Variants in MARCHF1 observed in about 807,000 individuals in gnomAD.
MARCHF1 encodes the protein membrane associated ring-CH-type finger 1.
MARCHF1 carries 40 observed loss-of-function variants against 54.2 expected under a neutral mutation model. That is an observed-to-expected ratio of 0.74 (90% CI 0.57 to 0.96). The LOEUF is 0.96. MARCHF1 is among the 40% of genes least tolerant of loss of function. The probability of loss-of-function intolerance (pLI) is 0.00; values close to 1 mark genes in which losing one functional copy is unlikely to be tolerated. For missense variants in MARCHF1, 586 were observed against 656.5 expected (o/e 0.89, Z 1.17); for synonymous variants, 236 against 236.3 (o/e 1.00, Z 0.01).
At chr4:163,543,742 A>G (rs1738800436) in intron 9 of MARCHF1, among the ~76,000 whole-genome samples, 2 of 152,202 alleles carry the variant, frequency 1.3e-5, no homozygotes, top group Admixed American at 1.3e-4. Context: ...GGTTGGATAA[A>G]ATAAATGTAA....
intron 1 of MARCHF1, among the ~76,000 whole-genome samples, chr4:164,120,233 A>G (rs1756037626): frequency 6.6e-6 from 1 of 152,108 alleles, no homozygotes; most frequent in South Asian, 2.1e-4. Context: ...AAGAAGAGAC[A>G]AAAAGAGGTC....
At chr4:163,546,124 C>T (rs527616433) in intron 8 of MARCHF1, among the ~76,000 whole-genome samples, 45 of 152,144 alleles carry the variant, frequency 3.0e-4, no homozygotes, top group African/African-American at 9.4e-4. Flanking sequence ...TGGGTATGTA[C>T]CACCATGCCT....
At chr4:164,341,973 A>G (rs1242913360) in intron 1 of MARCHF1, among the ~76,000 whole-genome samples, 2 of 152,250 alleles carry the variant, frequency 1.3e-5, no homozygotes, top group Admixed American at 6.5e-5. Context: ...TCACATTTAC[A>G]TTACCATCAA....
At chr4:163,866,216 C>T (rs1750044144) in intron 3 of MARCHF1, among the ~76,000 whole-genome samples, 1 of 151,006 alleles carries the variant, frequency 6.6e-6, no homozygotes, top group Non-Finnish European at 1.5e-5. Context: ...ACTTTTTTAC[C>T]TATTTTTAAC....
At chr4:164,240,560 C>G (rs1732710772) in intron 1 of MARCHF1, among the ~76,000 whole-genome samples, 1 of 151,940 alleles carries the variant, frequency 6.6e-6, no homozygotes, top group African/African-American at 2.4e-5. Context: ...TCTGCTTGTC[C>G]CTTAAGTCCT....
chr4:163,729,792 A>C (rs1229258805), intron 4 of MARCHF1, among the ~76,000 whole-genome samples: 1 of 152,114 alleles, frequency 6.6e-6, no homozygotes, highest in Non-Finnish European at 1.5e-5. Context: ...AAATCTGCTG[A>C]TAACCTTATT....
At chr4:163,896,083 T>G (rs1482087776) in intron 3 of MARCHF1, among the ~76,000 whole-genome samples, 1 of 152,224 alleles carries the variant, frequency 6.6e-6, no homozygotes, top group Non-Finnish European at 1.5e-5. Flanking sequence ...CATTTCCCTC[T>G]GATTACACTT....
At chr4:163,947,485 C>T (rs1752047187) in intron 3 of MARCHF1, among the ~76,000 whole-genome samples, 1 of 152,064 alleles carries the variant, frequency 6.6e-6, no homozygotes, top group South Asian at 2.1e-4. Context: ...ATCACAGGGT[C>T]CACATAAGAG....
chr4:164,325,356 T>TATATATATATATATA (rs1561003093), intron 1 of MARCHF1, among the ~76,000 whole-genome samples: 16 of 149,376 alleles, frequency 1.1e-4, no homozygotes, highest in African/African-American at 1.5e-4. Flanking sequence ...TATATATATA[T>TATATATATATATATA]TTGCACAGAC....
intron 2 of MARCHF1, among the ~76,000 whole-genome samples, chr4:164,033,666 GA>G (rs1432590359): frequency 6.6e-6 from 1 of 152,024 alleles, no homozygotes; most frequent in African/African-American, 2.4e-5. Flanking sequence ...CAACAAACAT[GA>G]AAAAAAGCTC....
intron 1 of MARCHF1, among the ~76,000 whole-genome samples, chr4:164,183,277 A>G (rs1009352810): frequency 5.3e-5 from 8 of 152,198 alleles, no homozygotes; most frequent in African/African-American, 1.7e-4. Flanking sequence ...AAATGAATGT[A>G]TGATTTATCT....
At chr4:164,213,203 TTTATTATTATTATTATTATTA>T (rs200182175) in intron 1 of MARCHF1, among the ~76,000 whole-genome samples, 1,985 of 141,768 alleles carry the variant, frequency 0.014, 59 homozygotes, top group East Asian at 0.12. Flanking sequence ...GGCTTTTACT[TTTATTATTATTATTATTATTA>T]TTATTATTAT....
chr4:164,222,270 T>G (rs1579635907), intron 1 of MARCHF1, among the ~76,000 whole-genome samples: 1 of 151,880 alleles, frequency 6.6e-6, no homozygotes, highest in East Asian at 1.9e-4. Context: ...GATCAACATG[T>G]GTCTTTTTTA....
At chr4:164,280,941 A>T (rs1734010107) in intron 1 of MARCHF1, among the ~76,000 whole-genome samples, 1 of 152,140 alleles carries the variant, frequency 6.6e-6, no homozygotes, top group Non-Finnish European at 1.5e-5. Flanking sequence ...AGAATGACTG[A>T]GCAATTGTAC....
chr4:163,640,643 C>A (rs746544274), intron 5 of MARCHF1, among the ~76,000 whole-genome samples: 1 of 152,098 alleles, frequency 6.6e-6, no homozygotes, highest in Non-Finnish European at 1.5e-5. Context: ...AAAAATTCAG[C>A]AAACCAACTA....
At chr4:164,131,418 C>T (rs762775013) in intron 1 of MARCHF1, among the ~76,000 whole-genome samples, 1 of 152,072 alleles carries the variant, frequency 6.6e-6, no homozygotes, top group Non-Finnish European at 1.5e-5. Flanking sequence ...TTACGTTTGG[C>T]ATTTGGAAAT....
chr4:163,955,251 G>A (rs2110793921), intron 3 of MARCHF1, among the ~76,000 whole-genome samples: 1 of 147,028 alleles, frequency 6.8e-6, no homozygotes, highest in East Asian at 2.0e-4. Flanking sequence ...CAGTGTTCTG[G>A]ATAAAAGTCT....
At chr4:163,737,179 T>TCACATATTAG in intron 4 of MARCHF1, among the ~76,000 whole-genome samples, 1 of 117,258 alleles carries the variant, frequency 8.5e-6, no homozygotes, top group Non-Finnish European at 2.1e-5. Context: ...TTTTTTTTTT[T>TCACATATTAG]TTTCACATAT....
At chr4:163,632,044 C>T (rs1351010563) in intron 5 of MARCHF1, among the ~76,000 whole-genome samples, 1 of 152,168 alleles carries the variant, frequency 6.6e-6, no homozygotes, top group African/African-American at 2.4e-5. Flanking sequence ...TGAGATATCT[C>T]ACACCCATTA....
Sources: gnomAD v4.1 joint callset for allele counts (sites outside exome capture counted in the v4.1 genomes callset) on GRCh38, gnomAD v4.1.1 for gene constraint, MANE v1.5 for transcripts, NCBI Gene and HGNC (gene_info 2026-07-23, HGNC 2026-07-21) for gene names.